Variants in PCDH7 observed in about 807,000 individuals in gnomAD.
The protein encoded by PCDH7 is protocadherin 7.
A neutral mutation model predicts 58.9 loss-of-function variants in PCDH7; 17 were observed. That is an observed-to-expected ratio of 0.29 (90% CI 0.20 to 0.43). The LOEUF (loss-of-function observed/expected upper bound fraction) is 0.43. Among genes scored for constraint, PCDH7 ranks in the 20% least tolerant of loss-of-function variants. The pLI, the probability that PCDH7 is intolerant of heterozygous loss-of-function variation, is 1.00. For missense variants in PCDH7, 1,274 were observed against 1,441.0 expected, an observed-to-expected ratio of 0.88 and a Z score of 1.88; for synonymous variants, 664 against 616.4, an observed-to-expected ratio of 1.08 and a Z score of -1.14.
chr4:30,990,204 AGAG>A (rs1751350677), intron 3 of PCDH7, among the ~76,000 whole-genome samples: 1 of 151,978 alleles, frequency 6.6e-6, no homozygotes, highest in Non-Finnish European at 1.5e-5. Context: ...TTGTGCCTAA[AGAG>A]GAAAAAAAAA....
chr4:30,751,364 A>ATT (rs1718500818), intron 1 of PCDH7, among the ~76,000 whole-genome samples: 1 of 152,204 alleles, frequency 6.6e-6, no homozygotes, highest in Admixed American at 6.5e-5. Flanking sequence ...TTGCTAGGCT[A>ATT]TTTTGATTGG....
chr4:30,781,382 C>T (rs182389897), intron 1 of PCDH7, among the ~76,000 whole-genome samples: 3 of 152,030 alleles, frequency 2.0e-5, no homozygotes, highest in Admixed American at 2.0e-4. Context: ...CCTCGTGAAC[C>T]GCCGGCCTCG....
At chr4:30,907,723 C>T (rs141911396) in intron 1 of PCDH7, among the ~76,000 whole-genome samples, 2 of 152,050 alleles carry the variant, frequency 1.3e-5, no homozygotes, top group Non-Finnish European at 2.9e-5. Flanking sequence ...CTAGAATTAC[C>T]ATTTGACACA....
rs190302242 is a variant in PCDH7, at chr4:31,094,809, A to C, written c.*8-47664A>C. On this transcript the variant is annotated intron_variant, in intron 3 of 3. Transcript: ENST00000509759. ...CACATTTCCTTTTAAATCCTTAAAAACATTCCAGTTAAGTTTTATGATTCG... is the reference window on the plus strand; with the variant it reads ...CACATTTCCTTTTAAATCCTTAAAACCATTCCAGTTAAGTTTTATGATTCG... Among the ~76,000 whole-genome samples the C allele has an allele frequency of 1.0e-3, 152 of 152,316 alleles. 1 individual carries two copies. Among genetic ancestry groups the C allele is most frequent in the African/African-American group, 3.2e-3 (132 of 41,564 alleles).
chr4:30,782,280 G>T (rs576303316), intron 1 of PCDH7, among the ~76,000 whole-genome samples: 36 of 152,102 alleles, frequency 2.4e-4, no homozygotes, highest in Non-Finnish European at 4.4e-4. Flanking sequence ...ATTTTAAAAA[G>T]ATTTGAACTT....
At chr4:30,903,789 C>T (rs1740533212) in intron 1 of PCDH7, among the ~76,000 whole-genome samples, 1 of 152,046 alleles carries the variant, frequency 6.6e-6, no homozygotes, top group African/African-American at 2.4e-5. Context: ...TGTAAATTTG[C>T]AGTGTTTATG....
intron 1 of PCDH7, among the ~76,000 whole-genome samples, chr4:30,891,973 G>C (rs1738671398): frequency 6.6e-6 from 1 of 151,872 alleles, no homozygotes. Flanking sequence ...AGGAAAAAGA[G>C]AGATACTCTG....
chr4:31,004,519 G>C (rs1300988824), intron 3 of PCDH7, among the ~76,000 whole-genome samples: 2 of 151,998 alleles, frequency 1.3e-5, no homozygotes, highest in Non-Finnish European at 1.5e-5. Flanking sequence ...AGACCAGCCT[G>C]GCCGACATGG....
intron 3 of PCDH7, among the ~76,000 whole-genome samples, chr4:31,098,921 T>C (rs1274780459): frequency 6.6e-6 from 1 of 152,152 alleles, no homozygotes; most frequent in African/African-American, 2.4e-5. Flanking sequence ...TAGCAGATGG[T>C]CACCTTTTTG....
At chr4:30,848,384 G>T (rs1426381302) in intron 1 of PCDH7, among the ~76,000 whole-genome samples, 1 of 152,092 alleles carries the variant, frequency 6.6e-6, no homozygotes, top group Admixed American at 6.6e-5. Context: ...ATTTTAATAT[G>T]TATTTACCAC....
chr4:30,879,064 A>C (rs1736635360), intron 1 of PCDH7, among the ~76,000 whole-genome samples: 1 of 152,078 alleles, frequency 6.6e-6, no homozygotes, highest in South Asian at 2.1e-4. Flanking sequence ...ATCATTAAGA[A>C]GTGAAGCAAA....
At chr4:30,882,224 C>A (rs771601229) in intron 1 of PCDH7, among the ~76,000 whole-genome samples, 1 of 151,180 alleles carries the variant, frequency 6.6e-6, no homozygotes, top group Non-Finnish European at 1.5e-5. Flanking sequence ...TTAACTCCTC[C>A]TCCTCCTCCT....
chr4:30,806,412 C>A (rs185140188), intron 1 of PCDH7, among the ~76,000 whole-genome samples: 5 of 152,144 alleles, frequency 3.3e-5, no homozygotes, highest in Middle Eastern at 3.4e-3. Flanking sequence ...TCAAGCAGTT[C>A]TCCTGTCTCA....
At chr4:30,791,648 A>T (rs1373353214) in intron 1 of PCDH7, among the ~76,000 whole-genome samples, 1 of 152,198 alleles carries the variant, frequency 6.6e-6, no homozygotes, top group African/African-American at 2.4e-5. Context: ...AGCAAAATTC[A>T]GCAGATACAA....
At chr4:31,010,979 G>A (rs1316601153) in intron 3 of PCDH7, among the ~76,000 whole-genome samples, 2 of 151,904 alleles carry the variant, frequency 1.3e-5, no homozygotes, top group African/African-American at 4.8e-5. Flanking sequence ...CGATAAATCT[G>A]TTGAAATATT....
At chr4:30,837,902 TA>T (rs1730708023) in intron 1 of PCDH7, among the ~76,000 whole-genome samples, 1 of 27,642 alleles carries the variant, frequency 3.6e-5, no homozygotes, top group African/African-American at 2.4e-4. Context: ...GTATATTTTA[TA>T]TATATATATA....
At chr4:31,019,667 G>A (rs1427919220) in intron 3 of PCDH7, among the ~76,000 whole-genome samples, 2 of 150,558 alleles carry the variant, frequency 1.3e-5, no homozygotes, top group East Asian at 2.0e-4. Flanking sequence ...CCAGCCTGGG[G>A]ACAGAGCGAG....
chr4:30,895,211 C>G (rs894574003), intron 1 of PCDH7, among the ~76,000 whole-genome samples: 2 of 151,292 alleles, frequency 1.3e-5, no homozygotes, highest in African/African-American at 2.4e-5. Context: ...AGGACAAAAT[C>G]TAGTGTGCTG....
intron 3 of PCDH7, among the ~76,000 whole-genome samples, chr4:31,096,150 C>T (rs969685764): frequency 6.6e-6 from 1 of 152,116 alleles, no homozygotes; most frequent in African/African-American, 2.4e-5. Context: ...CCCTAGGCCC[C>T]AAGTTATTGC....
Sources: allele counts gnomAD v4.1 joint callset (sites outside exome capture counted in the v4.1 genomes callset), GRCh38; gene constraint gnomAD v4.1.1; transcripts MANE v1.5; gene names NCBI Gene and HGNC (gene_info 2026-07-23, HGNC 2026-07-21).